PTPN12: variants seen among roughly 807,000 people sequenced by gnomAD.
PTPN12 encodes the protein tyrosine-protein phosphatase non-receptor type 12.
In PTPN12, 29 loss-of-function variants were observed where a neutral mutation model predicts 97.6. That is an observed-to-expected ratio of 0.30 (90% CI 0.22 to 0.41). The LOEUF is 0.41. Among genes scored for constraint, PTPN12 ranks in the 10% least tolerant of loss-of-function variants. The pLI, the probability that PTPN12 is intolerant of heterozygous loss-of-function variation, is 1.00. For synonymous variants in PTPN12, 327 were observed against 300.4 expected (o/e 1.09, Z -0.91); for missense variants, 819 against 926.0 (o/e 0.88, Z 1.50).
intron 6 of PTPN12, among the ~76,000 whole-genome samples, chr7:77,596,180 CTT>C (rs1240357712): frequency 1.3e-5 from 2 of 151,758 alleles, no homozygotes; most frequent in East Asian, 1.9e-4. Flanking sequence ...CGTTTAGACA[CTT>C]TTTTTTAGGT....
Position 77,537,585 on chromosome 7 carries a change from G to C in PTPN12, c.39G>C (p.Arg13Ser). The C allele has an allele frequency of 6.2e-7, 1 of 1,602,940 alleles. No homozygotes were observed. Among genetic ancestry groups the C allele is most frequent in the Middle Eastern group, 1.7e-4 (1 of 6,014 alleles). The change falls in exon 1 of 18, where the codon AGG becomes AGC. Residue 13 changes from arginine to serine, a missense_variant. Arg to Ser is a moderately radical substitution (Grantham distance 110, BLOSUM62 -1). This residue lies in a region of PTPN12 where 59 missense variants were observed against 42.2 expected (regional missense o/e 1.40). Coordinates refer to ENST00000248594, the MANE Select transcript of PTPN12 (RefSeq NM_002835.4). ...QVEILRKFIQ[R>S]VQAMKSPDHN... ...AGATCCTGAGGAAATTCATCCAGAGGGTCCAGGCCATGAAGAGTCCTGACC... is the reference window on the plus strand; with the variant it reads ...AGATCCTGAGGAAATTCATCCAGAGCGTCCAGGCCATGAAGAGTCCTGACC...
At chr7:77,617,644 T>C (rs1788797088) in intron 11 of PTPN12, among the ~76,000 whole-genome samples, 1 of 152,194 alleles carries the variant, frequency 6.6e-6, no homozygotes, top group Non-Finnish European at 1.5e-5. Context: ...ATCTGAGATG[T>C]TGGCAAGGGT....
intron 4 of PTPN12, 127 bp from the exon 5 acceptor site, chr7:77,585,416 A>AACT: frequency 1.4e-6 from 1 of 699,386 alleles, no homozygotes; most frequent in Non-Finnish European, 2.4e-6. Flanking sequence ...TTAATATTGA[A>AACT]ACTACTTTTT....
At chr7:77,621,043 C>T (rs1379271707) in intron 12 of PTPN12, among the ~76,000 whole-genome samples, 1 of 147,052 alleles carries the variant, frequency 6.8e-6, no homozygotes, top group Non-Finnish European at 1.5e-5. Flanking sequence ...GGGCGGATTG[C>T]TTGAATCCAT....
At position 77,627,134 on chromosome 7, in the gene PTPN12, A is replaced by G; in HGVS notation, c.1455A>G (p.Leu485=). 6.2e-7 allele frequency: 1 copy of G among 1,614,174 alleles called. No homozygotes were observed. Among genetic ancestry groups the G allele is most frequent in the African/African-American group, 1.3e-5 (1 of 75,058 alleles). ...ISKPQELSSD[L]NVGDTSQNSC... ...AGCCACAGGAATTAAGTTCAGATCTAAATGTCGGTGATACTTCCCAGAATT... is the reference window on the plus strand; with the variant it reads ...AGCCACAGGAATTAAGTTCAGATCTGAATGTCGGTGATACTTCCCAGAATT... The change falls in exon 13 of 18, where the codon CTA becomes CTG. Residue 485 remains leucine, a synonymous_variant. Coordinates refer to ENST00000248594, the MANE Select transcript of PTPN12 (RefSeq NM_002835.4).
rs759668928 is a variant in PTPN12, at chr7:77,618,518, G to C, written c.978G>C (p.Glu326Asp). 6.2e-7 allele frequency: 1 copy of C among 1,609,548 alleles called. No homozygotes were observed. The highest frequency in any genetic ancestry group is 1.3e-5 in the African/African-American group (1 of 74,760). ...CTGAAAACATGGTCAGCTCCATAGA[G>C]CCTGAAAAACAAGATTCTCCTCCTC... The part of the protein sequence containing the change: ...INTENMVSSI[E>D]PEKQDSPPPK... Residue 326 changes from glutamate to aspartate, a missense_variant, in exon 12 of 18, where the codon GAG becomes GAC. Physicochemically the swap from Glu to Asp is conservative, Grantham distance 45 (BLOSUM62 2). Transcript: ENST00000248594.
intron 1 of PTPN12, among the ~76,000 whole-genome samples, chr7:77,567,027 C>T (rs1365679700): frequency 2.0e-5 from 3 of 151,756 alleles, no homozygotes; most frequent in African/African-American, 7.3e-5. Context: ...CTCAATAATA[C>T]AGAATTTTTT....
At chr7:77,566,986 T>C (rs765107776) in intron 1 of PTPN12, among the ~76,000 whole-genome samples, 4 of 151,990 alleles carry the variant, frequency 2.6e-5, no homozygotes, top group Non-Finnish European at 5.9e-5. Context: ...TCATACAGTC[T>C]ATGAATAAGG....
At chr7:77,565,705 CATTT>C (rs1293804868) in intron 1 of PTPN12, among the ~76,000 whole-genome samples, 1 of 152,100 alleles carries the variant, frequency 6.6e-6, no homozygotes, top group Non-Finnish European at 1.5e-5. Flanking sequence ...TTTGAGAATC[CATTT>C]ATTGATTTAG....
At chr7:77,593,394 C>A (rs187349676) in intron 6 of PTPN12, among the ~76,000 whole-genome samples, 1 of 152,096 alleles carries the variant, frequency 6.6e-6, no homozygotes, top group South Asian at 2.1e-4. Context: ...AGATTTATTA[C>A]GAGGAATTGG....
intron 3 of PTPN12, among the ~76,000 whole-genome samples, chr7:77,581,997 G>A (rs1242401459): frequency 1.4e-5 from 2 of 147,470 alleles, no homozygotes; most frequent in Non-Finnish European, 3.0e-5. Flanking sequence ...AGTTGTCACT[G>A]TTTCAGGTGG....
chr7:77,593,245 G>A (rs972358944), intron 6 of PTPN12, among the ~76,000 whole-genome samples: 1 of 147,508 alleles, frequency 6.8e-6, no homozygotes, highest in Non-Finnish European at 1.5e-5. Context: ...CTCCAGTCTG[G>A]GCGACAAGGG....
intron 1 of PTPN12, among the ~76,000 whole-genome samples, chr7:77,561,447 G>C (rs777223710): frequency 5.5e-4 from 84 of 152,320 alleles, no homozygotes; most frequent in Admixed American, 9.2e-4. Flanking sequence ...GTAGGAGTTA[G>C]TGGTTCACCA....
intron 1 of PTPN12, among the ~76,000 whole-genome samples, chr7:77,546,457 A>G (rs1195255751): frequency 3.9e-5 from 6 of 152,208 alleles, no homozygotes; most frequent in Admixed American, 6.5e-5. Flanking sequence ...CCAGCATTTT[A>G]TATTTCCTGT....
chr7:77,585,383 G>T, intron 4 of PTPN12, 160 bp from the exon 5 acceptor site: 2 of 543,144 alleles, frequency 3.7e-6, no homozygotes. Context: ...GTCTAATTTT[G>T]ATAATTTCTT....
At chr7:77,565,918 G>A (rs943595888) in intron 1 of PTPN12, among the ~76,000 whole-genome samples, 1 of 152,192 alleles carries the variant, frequency 6.6e-6, no homozygotes, top group African/African-American at 2.4e-5. Context: ...AGTCCAGTAA[G>A]ATAGTCTAAT....
intron 11 of PTPN12, among the ~76,000 whole-genome samples, chr7:77,616,959 T>C (rs1788772988): frequency 6.6e-6 from 1 of 152,090 alleles, no homozygotes; most frequent in Non-Finnish European, 1.5e-5. Flanking sequence ...ATTTTTGTAT[T>C]GTAGTAGAGA....
intron 1 of PTPN12, among the ~76,000 whole-genome samples, chr7:77,551,136 C>T (rs1321906561): frequency 2.0e-5 from 3 of 152,234 alleles, no homozygotes; most frequent in Non-Finnish European, 4.4e-5. Flanking sequence ...TCTCTGCTCA[C>T]TGCAGTCTCC....
chr7:77,584,534 A>G (rs1351725444), intron 4 of PTPN12, among the ~76,000 whole-genome samples: 1 of 152,158 alleles, frequency 6.6e-6, no homozygotes, highest in Non-Finnish European at 1.5e-5. Flanking sequence ...GCATTTCATT[A>G]TATGTAAAAT....
Sources: gnomAD v4.1 joint callset for allele counts (sites outside exome capture counted in the v4.1 genomes callset) on GRCh38, gnomAD v4.1.1 for gene constraint, gnomAD v4.1.1 regional missense constraint, MANE v1.5 for transcripts, NCBI Gene and HGNC (gene_info 2026-07-23, HGNC 2026-07-21) for gene names.